Variants in SLC35F4 observed in about 807,000 individuals in gnomAD.
The protein encoded by SLC35F4 is solute carrier family 35 member F4, also known as chromosome 14 open reading frame 36.
A neutral mutation model predicts 44.2 loss-of-function variants in SLC35F4; 24 were observed. The observed-to-expected ratio is 0.54, with a 90% CI of 0.39 to 0.76. SLC35F4 has a LOEUF of 0.76. Ranked by LOEUF, SLC35F4 falls within the 30% of genes least tolerant of loss-of-function variation. The pLI, the probability that SLC35F4 is intolerant of heterozygous loss-of-function variation, is 0.00. For synonymous variants in SLC35F4, 238 were observed against 223.6 expected (o/e 1.06, Z -0.57); for missense variants, 562 against 586.1 (o/e 0.96, Z 0.42).
chr14:57,978,694 G>A (rs1184633327), intron 1 of SLC35F4, among the ~76,000 whole-genome samples: 1 of 152,108 alleles, frequency 6.6e-6, no homozygotes, highest in Non-Finnish European at 1.5e-5. Flanking sequence ...AGTAGTTTTG[G>A]TCTCTATTAC....
In SLC35F4 at chr14:57,564,227, T is replaced by C. The variant is rs757427722; in HGVS notation, c.1366A>G (p.Ser456Gly). The C allele has an allele frequency of 8.7e-6, 14 of 1,613,444 alleles. No individual in the cohort carries two copies. Among genetic ancestry groups the C allele is most frequent in the Non-Finnish European group, 1.2e-5 (14 of 1,179,796 alleles). The change falls in exon 8 of 8, where the codon AGT becomes GGT. Residue 456 changes from serine (S) to glycine (G), a missense_variant. Transcript: ENST00000556826. ...RFINSLKEKK[S>G]EEHVDDVTDP... ...GTCACATCATCCACATGCTCCTCACTCTTCTTTTCCTTCAGGCTGTTGATG... is the reference window on the plus strand; with the variant it reads ...GTCACATCATCCACATGCTCCTCACCCTTCTTTTCCTTCAGGCTGTTGATG...
At position 57,697,694 on chromosome 14, in the gene SLC35F4, C is replaced by G. The variant is rs531240996; in HGVS notation, c.104-103570G>C. On this transcript the variant is annotated intron_variant, in intron 1 of 7. Coordinates refer to ENST00000556826, the MANE Select transcript of SLC35F4 (RefSeq NM_001306087.2). Reference sequence around the variant, plus strand: ...CCAACCTGGGTGACAGAGTGAGACCCTGTTTAAAAAAAAAAAAAAAGAAAG... The same window carrying G: ...CCAACCTGGGTGACAGAGTGAGACCGTGTTTAAAAAAAAAAAAAAAGAAAG... Among the ~76,000 whole-genome samples the G allele has an allele frequency of 3.5e-3, 126 of 36,274 alleles. 2 individuals carry two copies. The highest frequency in any genetic ancestry group is 0.01 in the Admixed American group (24 of 2,392). The allele number at this position is 36,274 out of a possible 152,430, so 23.8% of individuals were successfully genotyped here. A position where few individuals can be genotyped will look rare whatever the true frequency, so the allele number is the denominator to read the frequency against.
At chr14:57,781,760 A>G (rs1312212424) in intron 1 of SLC35F4, among the ~76,000 whole-genome samples, 1 of 152,218 alleles carries the variant, frequency 6.6e-6, no homozygotes, top group Admixed American at 6.5e-5. Context: ...TGTCCTTTGC[A>G]GGAAAATGAA....
chr14:57,745,699 A>G (rs1239018923), intron 1 of SLC35F4, among the ~76,000 whole-genome samples: 1 of 152,226 alleles, frequency 6.6e-6, no homozygotes, highest in African/African-American at 2.4e-5. Context: ...ATCTAGAACT[A>G]GAAATACCAT....
chr14:57,783,793 A>G (rs947346383), intron 1 of SLC35F4, among the ~76,000 whole-genome samples: 1 of 152,162 alleles, frequency 6.6e-6, no homozygotes, highest in Non-Finnish European at 1.5e-5. Flanking sequence ...CCTAAACACA[A>G]CATCTCTAAT....
At chr14:57,921,130 C>T (rs945420135) in intron 1 of SLC35F4, among the ~76,000 whole-genome samples, 2 of 152,204 alleles carry the variant, frequency 1.3e-5, no homozygotes, top group Non-Finnish European at 2.9e-5. Flanking sequence ...TGAACCAGAA[C>T]ACACATCCAC....
At chr14:57,713,804 C>A (rs1191372735) in intron 1 of SLC35F4, among the ~76,000 whole-genome samples, 1 of 152,108 alleles carries the variant, frequency 6.6e-6, no homozygotes, top group Non-Finnish European at 1.5e-5. Flanking sequence ...AATTAATGGA[C>A]ATGATTTTGC....
At chr14:57,582,872 A>C (rs1050800644) in intron 3 of SLC35F4, among the ~76,000 whole-genome samples, 1 of 152,216 alleles carries the variant, frequency 6.6e-6, no homozygotes, top group Non-Finnish European at 1.5e-5. Context: ...GGAGAGGAGG[A>C]GTGACAAAGA....
At chr14:57,910,102 G>T (rs992562384) in intron 1 of SLC35F4, among the ~76,000 whole-genome samples, 4 of 152,016 alleles carry the variant, frequency 2.6e-5, no homozygotes, top group Non-Finnish European at 4.4e-5. Context: ...GTCTTCTTTG[G>T]TGAGGTATCT....
At chr14:57,854,646 C>G (rs1399155985) in intron 1 of SLC35F4, among the ~76,000 whole-genome samples, 1 of 152,212 alleles carries the variant, frequency 6.6e-6, no homozygotes, top group African/African-American at 2.4e-5. Context: ...CCAACTTCAC[C>G]CTATTTTGGT....
At chr14:57,846,487 A>T (rs1886035914) in intron 1 of SLC35F4, among the ~76,000 whole-genome samples, 1 of 152,208 alleles carries the variant, frequency 6.6e-6, no homozygotes, top group Non-Finnish European at 1.5e-5. Flanking sequence ...TTCTAGCCCA[A>T]GTCACAGGAC....
At chr14:57,884,473 T>C (rs927930879) in intron 1 of SLC35F4, among the ~76,000 whole-genome samples, 13 of 152,226 alleles carry the variant, frequency 8.5e-5, no homozygotes, top group Admixed American at 3.3e-4. Flanking sequence ...TTCGTTTCTT[T>C]TTCATTCAGG....
intron 1 of SLC35F4, among the ~76,000 whole-genome samples, chr14:57,666,476 A>C (rs2074313135): frequency 6.6e-6 from 1 of 152,186 alleles, no homozygotes; most frequent in Admixed American, 6.5e-5. Context: ...GAGTTGGGAA[A>C]AGAGTTCTTC....
At position 57,960,099 on chromosome 14, in the gene SLC35F4, G is replaced by A. The variant is rs150549165; in HGVS notation, n.282+21814C>T. Among the ~76,000 whole-genome samples, 42 of 152,292 alleles carry A rather than the reference G, an allele frequency of 2.8e-4. No individual in the cohort carries two copies. In the East Asian group the frequency reaches 6.6e-3, roughly 24 times the overall value. ...CTCAGTCTCCTAGTCAGCAAAATGG[G>A]AGTAATGAGAATAGTTACCTTCTAG... is the stretch of plus-strand genomic sequence containing the variant. On this transcript the variant is annotated intron_variant and non_coding_transcript_variant, in intron 1 of 1. Transcript: ENST00000556568.
chr14:57,811,295 T>C (rs1305990992), intron 1 of SLC35F4, among the ~76,000 whole-genome samples: 2 of 152,216 alleles, frequency 1.3e-5, no homozygotes, highest in Non-Finnish European at 2.9e-5. Context: ...ACTTACTAGC[T>C]GTGTGACTTG....
At chr14:57,917,789 G>C (rs1318781803) in intron 1 of SLC35F4, among the ~76,000 whole-genome samples, 1 of 152,186 alleles carries the variant, frequency 6.6e-6, no homozygotes, top group Non-Finnish European at 1.5e-5. Context: ...CCGTTACCAA[G>C]TTAGTGAGCA....
intron 1 of SLC35F4, among the ~76,000 whole-genome samples, chr14:57,649,337 G>T (rs79465476): frequency 0.13 from 20,239 of 152,142 alleles, 1,599 homozygotes; most frequent in East Asian, 0.22. Context: ...CCTTCTGGAG[G>T]TTCCAGGGGA....
At chr14:57,781,315 A>C (rs1397421533) in intron 1 of SLC35F4, among the ~76,000 whole-genome samples, 1 of 152,170 alleles carries the variant, frequency 6.6e-6, no homozygotes, top group East Asian at 1.9e-4. Flanking sequence ...TATTTTTAAA[A>C]GCTCAATATC....
At chr14:57,873,676 T>C (rs1888339242) in intron 1 of SLC35F4, among the ~76,000 whole-genome samples, 1 of 152,196 alleles carries the variant, frequency 6.6e-6, no homozygotes, top group Non-Finnish European at 1.5e-5. Flanking sequence ...AGTGAAATTA[T>C]AAGTAATCTT....
Sources: gnomAD v4.1 joint callset for allele counts (sites outside exome capture counted in the v4.1 genomes callset) on GRCh38, gnomAD v4.1.1 for gene constraint, MANE v1.5 for transcripts, NCBI Gene and HGNC (gene_info 2026-07-23, HGNC 2026-07-21) for gene names.